The following RB1 variants were observed in gnomAD, a reference collection of about 807,000 sequenced individuals.
RB1 encodes the protein RB transcriptional corepressor 1.
In RB1, 18 loss-of-function variants were observed where a neutral mutation model predicts 135.4. The observed-to-expected ratio is 0.13, with a 90% confidence interval of 0.09 to 0.20. The LOEUF is 0.20. Among genes scored for constraint, RB1 ranks in the 10% least tolerant of loss-of-function variants. RB1 has a pLI of 1.00. For synonymous variants in RB1, 365 were observed against 373.2 expected (o/e 0.98, Z 0.25); for missense variants, 868 against 1,110.0 (o/e 0.78, Z 3.10).
At chr13:48,341,717 T>C (rs1952444375) in intron 2 of RB1, among the ~76,000 whole-genome samples, 2 of 152,020 alleles carry the variant, frequency 1.3e-5, no homozygotes, top group Non-Finnish European at 2.9e-5. Flanking sequence ...CCTGTAAAAT[T>C]TGGTAATCTG....
chr13:48,321,868 C>CA (rs113692325), intron 2 of RB1, among the ~76,000 whole-genome samples: 7,089 of 151,640 alleles, frequency 0.047, 575 homozygotes, highest in African/African-American at 0.16. Flanking sequence ...AAAACAGCAA[C>CA]AAAAAAAATC....
intron 2 of RB1, among the ~76,000 whole-genome samples, chr13:48,309,330 C>T (rs145410453): frequency 1.3e-5 from 2 of 152,190 alleles, no homozygotes; most frequent in South Asian, 2.1e-4. Context: ...ATTAACACAG[C>T]GGAATGTGTT....
chr13:48,360,719 GC>G (rs1952631767), intron 7 of RB1: 1 of 152,318 alleles, frequency 6.6e-6, no homozygotes, highest in Non-Finnish European at 1.5e-5. Flanking sequence ...TAATTAGATA[GC>G]ATTAAGGAAG....
intron 17 of RB1, among the ~76,000 whole-genome samples, chr13:48,400,997 A>G (rs1368846032): frequency 6.6e-6 from 1 of 152,152 alleles, no homozygotes; most frequent in Admixed American, 6.6e-5. Flanking sequence ...GGGAAAAGGC[A>G]TCATGGGACT....
intron 16 of RB1, 77 bp from the exon 17 acceptor site, chr13:48,381,170 T>C: frequency 6.7e-7 from 1 of 1,500,828 alleles, no homozygotes; most frequent in South Asian, 1.3e-5. Flanking sequence ...TTTCTTTGTC[T>C]GATAATAACT....
At chr13:48,409,328 T>G (rs1948769184) in intron 17 of RB1, among the ~76,000 whole-genome samples, 1 of 151,822 alleles carries the variant, frequency 6.6e-6, no homozygotes. Context: ...ACTGTTATTT[T>G]ATTGAAAATG....
At chr13:48,403,263 T>C (rs991271142) in intron 17 of RB1, among the ~76,000 whole-genome samples, 8 of 152,148 alleles carry the variant, frequency 5.3e-5, no homozygotes, top group African/African-American at 1.9e-4. Flanking sequence ...AATGAGATAA[T>C]GGAACTCAGT....
intron 6 of RB1, among the ~76,000 whole-genome samples, chr13:48,356,626 A>G (rs1418446047): frequency 6.6e-6 from 1 of 152,006 alleles, no homozygotes; most frequent in African/African-American, 2.4e-5. Flanking sequence ...TTATGACATT[A>G]TCAAGTATTA....
At chr13:48,434,688 T>C (rs974202514) in intron 17 of RB1, among the ~76,000 whole-genome samples, 1 of 152,108 alleles carries the variant, frequency 6.6e-6, no homozygotes, top group Non-Finnish European at 1.5e-5. Flanking sequence ...TGTAGGTCCA[T>C]GTATCCACCA....
chr13:48,369,305 T>G (rs772780943), intron 11 of RB1, among the ~76,000 whole-genome samples: 2 of 152,218 alleles, frequency 1.3e-5, no homozygotes, highest in African/African-American at 2.4e-5. Context: ...CATCTACTTT[T>G]CTCCATTTCT....
At chr13:48,321,164 G>T (rs146161073) in intron 2 of RB1, among the ~76,000 whole-genome samples, 2 of 152,160 alleles carry the variant, frequency 1.3e-5, no homozygotes, top group African/African-American at 4.8e-5. Flanking sequence ...CCCGCGTCCC[G>T]CATCCGGGGG....
At position 48,319,363 on chromosome 13, in the gene RB1, A is replaced by G. The variant is rs1184354903; in HGVS notation, c.264+11957A>G. On this transcript the variant is annotated intron_variant, in intron 2 of 26. Transcript: ENST00000267163. This position sits in a 1 kb window ranked among gnomAD's most constrained non-coding sequence, Gnocchi z 5.0. ...GCCTCCTTGCGTGTTTGCCGCAGCT[A>G]GTACACCTGGATGGCCTCCTCAGTG... is the stretch of plus-strand genomic sequence containing the variant. 2.1e-6 allele frequency: 1 copy of G among 477,906 alleles called. No individual in the cohort carries two copies. Among genetic ancestry groups the G allele is most frequent in the South Asian group, 1.9e-5 (1 of 52,608 alleles). The allele number at this position is 477,906 out of a possible 1,614,324, so 29.6% of individuals were successfully genotyped here. A position where few individuals can be genotyped will look rare whatever the true frequency, so the allele number is the denominator to read the frequency against.
chr13:48,383,212 A>G (rs1473361056), intron 17 of RB1, among the ~76,000 whole-genome samples: 1 of 152,128 alleles, frequency 6.6e-6, no homozygotes, highest in Non-Finnish European at 1.5e-5. Flanking sequence ...CCATTATTAA[A>G]GTATAAAAAT....
At chr13:48,463,685 C>A in intron 20 of RB1, 46 bp from the exon 21 acceptor site, 1 of 1,138,014 alleles carries the variant, frequency 8.8e-7, no homozygotes, top group Non-Finnish European at 1.3e-6. Flanking sequence ...AAGAACAAAA[C>A]CATGTAATAA....
chr13:48,424,583 A>G (rs1003484416), intron 17 of RB1, among the ~76,000 whole-genome samples: 1 of 128,404 alleles, frequency 7.8e-6, no homozygotes, highest in Non-Finnish European at 1.7e-5. Context: ...CATACACTTG[A>G]GTTGTCCCTT....
chr13:48,394,539 C>T (rs898800834), intron 17 of RB1, among the ~76,000 whole-genome samples: 3 of 152,170 alleles, frequency 2.0e-5, no homozygotes, highest in Non-Finnish European at 4.4e-5. Flanking sequence ...AGTCTGAGGT[C>T]GACCTGGGAT....
chr13:48,368,937 C>T (rs1952731613), intron 11 of RB1, among the ~76,000 whole-genome samples: 1 of 151,978 alleles, frequency 6.6e-6, no homozygotes, highest in South Asian at 2.1e-4. Flanking sequence ...ACCCGGGAGG[C>T]GGAGGTTGCA....
chr13:48,347,289 C>T (rs114005690), intron 4 of RB1, among the ~76,000 whole-genome samples: 235 of 152,092 alleles, frequency 1.5e-3, no homozygotes, highest in African/African-American at 5.3e-3. Context: ...GAACTGGGAG[C>T]GAGCATCTTA....
At chr13:48,307,680 C>T (rs547042133) in intron 2 of RB1, among the ~76,000 whole-genome samples, 1 of 141,672 alleles carries the variant, frequency 7.1e-6, no homozygotes, top group Admixed American at 7.4e-5. Flanking sequence ...CATGGTGAAA[C>T]CCTGTCTCTA....
Sources: gnomAD v4.1 joint callset for allele counts (sites outside exome capture counted in the v4.1 genomes callset) on GRCh38, gnomAD v4.1.1 for gene constraint, Gnocchi (gnomAD v3.1) non-coding constraint, MANE v1.5 for transcripts, NCBI Gene and HGNC (gene_info 2026-07-23, HGNC 2026-07-21) for gene names.